FHOD3: variants seen among roughly 807,000 people sequenced by gnomAD.
The protein encoded by FHOD3 is formin homology 2 domain containing 3.
A neutral mutation model predicts 173.0 loss-of-function variants in FHOD3; 90 were observed. The ratio of observed to expected loss-of-function variants is 0.52; its 90% CI spans 0.44 to 0.62. FHOD3 has a LOEUF of 0.62. FHOD3 is among the 20% of genes least tolerant of loss of function. FHOD3 has a pLI of 0.00. For synonymous variants in FHOD3, 828 were observed against 823.0 expected (o/e 1.01, Z -0.10); for missense variants, 1,945 against 2,034.7 (o/e 0.96, Z 0.85).
intron 1 of FHOD3, among the ~76,000 whole-genome samples, chr18:36,320,307 C>T (rs1018042523): frequency 2.6e-5 from 4 of 152,022 alleles, no homozygotes; most frequent in Non-Finnish European, 5.9e-5. Flanking sequence ...GGGATATCAC[C>T]ACCGATCCCA....
intron 3 of FHOD3, among the ~76,000 whole-genome samples, chr18:36,390,609 G>T (rs995007177): frequency 8.5e-5 from 13 of 152,176 alleles, no homozygotes; most frequent in Non-Finnish European, 5.9e-5. Flanking sequence ...TAACAAACGT[G>T]AGGCAATTTA....
chr18:36,738,284 A>G (rs190349587), intron 20 of FHOD3, among the ~76,000 whole-genome samples: 47 of 152,352 alleles, frequency 3.1e-4, no homozygotes, highest in African/African-American at 1.0e-3. Flanking sequence ...AGCTACTACA[A>G]ATATTCATGT....
At chr18:36,372,137 T>A (rs2047224115) in intron 2 of FHOD3, among the ~76,000 whole-genome samples, 1 of 152,162 alleles carries the variant, frequency 6.6e-6, no homozygotes, top group Non-Finnish European at 1.5e-5. Context: ...TAAATTGACG[T>A]TTCTGATAAT....
At chr18:36,304,530 T>C (rs1367621163) in intron 1 of FHOD3, among the ~76,000 whole-genome samples, 2 of 152,222 alleles carry the variant, frequency 1.3e-5, no homozygotes, top group African/African-American at 4.8e-5. Flanking sequence ...GTGTTTTCTA[T>C]GGCTGAGATA....
intron 23 of FHOD3, among the ~76,000 whole-genome samples, chr18:36,745,785 C>T (rs2042127011): frequency 1.3e-5 from 2 of 149,628 alleles, no homozygotes; most frequent in Non-Finnish European, 3.0e-5. Flanking sequence ...CCACTCATCC[C>T]CCCACCTGCA....
intron 14 of FHOD3, among the ~76,000 whole-genome samples, chr18:36,673,938 T>C (rs2037691245): frequency 6.6e-6 from 1 of 152,154 alleles, no homozygotes; most frequent in Non-Finnish European, 1.5e-5. Flanking sequence ...TCTTTTATTA[T>C]TCAAGTTTGG....
chr18:36,320,280 A>C (rs1250192665), intron 1 of FHOD3, among the ~76,000 whole-genome samples: 1 of 152,234 alleles, frequency 6.6e-6, no homozygotes, highest in Non-Finnish European at 1.5e-5. Context: ...AAATGGATGC[A>C]ATAAAAAATG....
At chr18:36,598,944 G>A (rs903682197) in intron 7 of FHOD3, among the ~76,000 whole-genome samples, 4 of 152,364 alleles carry the variant, frequency 2.6e-5, no homozygotes, top group Admixed American at 2.6e-4. Flanking sequence ...CATCTGTGGG[G>A]CATGGTATGG....
In FHOD3 at chr18:36,732,105, T is replaced by C. The variant is rs182560749; in HGVS notation, c.3576+1301T>C. Reference sequence around the variant, plus strand: ...TTTGAAGACAGAGAACACACAGGTATACAGAATGCCATGTGATGACGGAGG... The same window carrying C: ...TTTGAAGACAGAGAACACACAGGTACACAGAATGCCATGTGATGACGGAGG... On this transcript the variant is annotated intron_variant, in intron 20 of 28. Coordinates refer to ENST00000590592, the MANE Select transcript of FHOD3 (RefSeq NM_001281740.3). Among the ~76,000 whole-genome samples the C allele has an allele frequency of 8.3e-4, 127 of 152,306 alleles. 1 individual carries two copies. The highest frequency in any genetic ancestry group is 2.9e-3 in the African/African-American group (122 of 41,574).
At chr18:36,306,997 T>A (rs1157069083) in intron 1 of FHOD3, among the ~76,000 whole-genome samples, 2 of 152,202 alleles carry the variant, frequency 1.3e-5, no homozygotes, top group African/African-American at 4.8e-5. Flanking sequence ...GGAGTCTTGC[T>A]CTGTCGCCCA....
chr18:36,554,077 G>A (rs888668941), intron 5 of FHOD3, among the ~76,000 whole-genome samples: 1 of 152,152 alleles, frequency 6.6e-6, no homozygotes, highest in African/African-American at 2.4e-5. Context: ...AAGTCAGTGT[G>A]GCAATTCCTC....
At chr18:36,520,890 A>G (rs1424148670) in intron 5 of FHOD3, among the ~76,000 whole-genome samples, 2 of 151,974 alleles carry the variant, frequency 1.3e-5, no homozygotes, top group East Asian at 1.9e-4. Context: ...GTGCCTCCTC[A>G]CTCTGTCCTT....
chr18:36,620,024 C>T (rs544465795), intron 9 of FHOD3, among the ~76,000 whole-genome samples: 6 of 152,280 alleles, frequency 3.9e-5, no homozygotes, highest in Admixed American at 2.6e-4. Context: ...TTCCAAACTC[C>T]CACTGGCTGA....
chr18:36,775,798 C>A (rs905122857), intron 28 of FHOD3, among the ~76,000 whole-genome samples: 8 of 152,232 alleles, frequency 5.3e-5, no homozygotes, highest in African/African-American at 1.9e-4. Context: ...CACTTTGACA[C>A]CGTGAGAACT....
chr18:36,338,139 AT>A (rs2045419936), intron 1 of FHOD3, among the ~76,000 whole-genome samples: 1 of 152,204 alleles, frequency 6.6e-6, no homozygotes, highest in Non-Finnish European at 1.5e-5. Flanking sequence ...GGTAGAGAAC[AT>A]TAGTGTTATG....
Position 36,577,999 on chromosome 18 carries a change from G to A in FHOD3, c.606+1454G>A, listed in dbSNP as rs574386136. On this transcript the variant is annotated intron_variant, in intron 6 of 28. Transcript: ENST00000590592. ...GGTTAAAGTGCTGTACGGGTGGCAC[G>A]TTATGGAGATCAGAGTGGCTGTAGT... Among the ~76,000 whole-genome samples the A allele has an allele frequency of 1.9e-3, 295 of 152,302 alleles. 2 individuals carry two copies. The highest frequency in any genetic ancestry group is 4.7e-3 in the Admixed American group (72 of 15,298).
At position 36,479,361 on chromosome 18, in the gene FHOD3, G is replaced by A. The variant is rs116866613; in HGVS notation, c.338-22571G>A. Among the ~76,000 whole-genome samples the A allele has an allele frequency of 1.5e-4, 23 of 152,212 alleles. 1 individual carries two copies. In the East Asian group the frequency reaches 4.2e-3, roughly 28 times the overall value. ...CTTCCTGTGTCATCATAATAAACCCGGGTCCCGGAGTGAGCTGCAATACAG... is the reference window on the plus strand; with the variant it reads ...CTTCCTGTGTCATCATAATAAACCCAGGTCCCGGAGTGAGCTGCAATACAG... On this transcript the variant is annotated intron_variant, in intron 3 of 28. Coordinates refer to ENST00000590592, the MANE Select transcript of FHOD3 (RefSeq NM_001281740.3).
intron 1 of FHOD3, among the ~76,000 whole-genome samples, chr18:36,318,559 A>G (rs972096735): frequency 6.6e-6 from 1 of 152,030 alleles, no homozygotes; most frequent in African/African-American, 2.4e-5. Flanking sequence ...ATGCTTGTGA[A>G]TTTTGCACAT....
intron 3 of FHOD3, among the ~76,000 whole-genome samples, chr18:36,464,395 GC>G (rs1159181233): frequency 1.3e-5 from 2 of 152,160 alleles, no homozygotes; most frequent in Non-Finnish European, 2.9e-5. Flanking sequence ...GTGCAGCGGG[GC>G]AGACCTCTGG....
Sources: allele counts gnomAD v4.1 joint callset (sites outside exome capture counted in the v4.1 genomes callset), GRCh38; gene constraint gnomAD v4.1.1; transcripts MANE v1.5; gene names NCBI Gene and HGNC (gene_info 2026-07-23, HGNC 2026-07-21).